The following PLCL2 variants were observed in gnomAD, a reference collection of about 807,000 sequenced individuals.
The protein encoded by PLCL2 is phospholipase C like 2.
PLCL2 carries 4 observed loss-of-function variants against 79.6 expected under a neutral mutation model. That is an observed-to-expected ratio of 0.05 (90% CI 0.02 to 0.11). The LOEUF (loss-of-function observed/expected upper bound fraction) is 0.11. Among genes scored for constraint, PLCL2 ranks in the 10% least tolerant of loss-of-function variants. The pLI, the probability that PLCL2 is intolerant of heterozygous loss-of-function variation, is 1.00. For missense variants in PLCL2, 895 were observed against 1,291.0 expected (o/e 0.69, Z 4.70); for synonymous variants, 484 against 457.7 (o/e 1.06, Z -0.73).
chr3:17,026,717 A>G (rs2064520947), intron 3 of PLCL2, among the ~76,000 whole-genome samples: 1 of 152,112 alleles, frequency 6.6e-6, no homozygotes, highest in African/African-American at 2.4e-5. Context: ...AAATTCACAA[A>G]TTAGCCAGGC....
intron 5 of PLCL2, among the ~76,000 whole-genome samples, chr3:17,070,685 T>C (rs1220966134): frequency 6.6e-6 from 1 of 152,136 alleles, no homozygotes; most frequent in East Asian, 1.9e-4. Flanking sequence ...AATTTAGGTC[T>C]AAGTTGAGCT....
intron 1 of PLCL2, among the ~76,000 whole-genome samples, chr3:16,960,202 C>G (rs2063742621): frequency 6.6e-6 from 1 of 152,174 alleles, no homozygotes; most frequent in South Asian, 2.1e-4. Context: ...AGAGGACAAC[C>G]TTTATTAGTG....
At chr3:16,977,926 G>C (rs1309751547) in intron 1 of PLCL2, among the ~76,000 whole-genome samples, 3 of 152,154 alleles carry the variant, frequency 2.0e-5, no homozygotes, top group African/African-American at 7.2e-5. Flanking sequence ...TGGTGGAAGG[G>C]ACAAACAAAG....
intron 1 of PLCL2, among the ~76,000 whole-genome samples, chr3:16,925,881 G>T (rs1202503671): frequency 1.3e-5 from 2 of 152,092 alleles, no homozygotes; most frequent in East Asian, 1.9e-4. Flanking sequence ...TTCTCTTTGG[G>T]TATATATCTA....
At chr3:16,916,386 T>C (rs1360984718) in intron 1 of PLCL2, among the ~76,000 whole-genome samples, 1 of 152,118 alleles carries the variant, frequency 6.6e-6, no homozygotes, top group African/African-American at 2.4e-5. Context: ...GAGAGTATCC[T>C]CCCTCCAGCA....
At chr3:16,989,470 A>C (rs2064082657) in intron 1 of PLCL2, among the ~76,000 whole-genome samples, 1 of 152,182 alleles carries the variant, frequency 6.6e-6, no homozygotes, top group Non-Finnish European at 1.5e-5. Context: ...GATTTCAAAG[A>C]CTTGAAAAGA....
intron 4 of PLCL2, among the ~76,000 whole-genome samples, chr3:17,052,255 T>TAAG (rs1553648887): frequency 1.6e-5 from 2 of 126,416 alleles, no homozygotes; most frequent in African/African-American, 2.9e-5. Context: ...AAAAAAAAAT[T>TAAG]GGGGGGGGGT....
At chr3:17,025,299 T>C (rs1053419487) in intron 3 of PLCL2, among the ~76,000 whole-genome samples, 3 of 152,228 alleles carry the variant, frequency 2.0e-5, no homozygotes, top group African/African-American at 7.2e-5. Flanking sequence ...CCCATTCTTA[T>C]GTAGTTTAGA....
chr3:17,058,103 G>C (rs903646953), intron 4 of PLCL2, among the ~76,000 whole-genome samples: 1 of 152,178 alleles, frequency 6.6e-6, no homozygotes, highest in Non-Finnish European at 1.5e-5. Flanking sequence ...AGGTCTGTCT[G>C]TGGGGATAGT....
At chr3:16,889,857 C>T (rs879877665) in intron 1 of PLCL2, among the ~76,000 whole-genome samples, 4 of 151,986 alleles carry the variant, frequency 2.6e-5, no homozygotes, top group Admixed American at 2.6e-4. Flanking sequence ...ATAATATCTG[C>T]GTTTGACTTT....
Position 16,964,156 on chromosome 3 carries a change from A to C in PLCL2, c.328-45518A>C, listed in dbSNP as rs533214308. On this transcript the variant is annotated intron_variant, in intron 1 of 5. Transcript: ENST00000615277. ...TCATTTACATTAGGTATATCTCCTA[A>C]TGCTATCCCTCTCCCCTCCCCCCTC... Among the ~76,000 whole-genome samples the C allele has an allele frequency of 4.0e-5, 6 of 151,134 alleles. No homozygotes were observed. The East Asian group carries it at 1.2e-3, about 30-fold the overall frequency.
chr3:17,060,812 T>C (rs1434179483), intron 4 of PLCL2, among the ~76,000 whole-genome samples: 2 of 152,182 alleles, frequency 1.3e-5, no homozygotes, highest in Admixed American at 6.5e-5. Context: ...TCAGGAAATA[T>C]ATCACTACAC....
intron 2 of PLCL2, 38 bp downstream of exon 2, chr3:17,012,198 C>G: frequency 1.3e-6 from 2 of 1,560,866 alleles, no homozygotes; most frequent in South Asian, 1.2e-5. Context: ...CAATGGTTTT[C>G]CTACTTTGTA....
intron 4 of PLCL2, among the ~76,000 whole-genome samples, chr3:17,045,788 T>C (rs561628821): frequency 1.1e-4 from 16 of 152,274 alleles, no homozygotes; most frequent in Admixed American, 8.5e-4. Flanking sequence ...AGTACAGTCA[T>C]GAAACACTTG....
At chr3:16,992,117 T>A (rs2064110460) in intron 1 of PLCL2, among the ~76,000 whole-genome samples, 1 of 152,220 alleles carries the variant, frequency 6.6e-6, no homozygotes, top group Admixed American at 6.5e-5. Context: ...TGATGTCATA[T>A]GTGTGTAATA....
chr3:16,963,275 A>G (rs1312344722), intron 1 of PLCL2, among the ~76,000 whole-genome samples: 1 of 152,150 alleles, frequency 6.6e-6, no homozygotes, highest in Non-Finnish European at 1.5e-5. Flanking sequence ...TGGATCACAC[A>G]TCTACATATA....
At chr3:16,975,584 C>T (rs1233182208) in intron 1 of PLCL2, among the ~76,000 whole-genome samples, 1 of 152,140 alleles carries the variant, frequency 6.6e-6, no homozygotes, top group Non-Finnish European at 1.5e-5. Context: ...GTTAGGGCTT[C>T]TAGGTCATGG....
chr3:16,927,289 C>G (rs902842656), intron 1 of PLCL2, among the ~76,000 whole-genome samples: 3 of 151,694 alleles, frequency 2.0e-5, no homozygotes, highest in Non-Finnish European at 4.4e-5. Flanking sequence ...AATATTTTTC[C>G]AGTGATTGCT....
intron 1 of PLCL2, among the ~76,000 whole-genome samples, chr3:16,993,334 C>G (rs1343238479): frequency 6.6e-6 from 1 of 152,166 alleles, no homozygotes; most frequent in African/African-American, 2.4e-5. Flanking sequence ...TGGTTCCAGC[C>G]ATTCCTGTGG....
Sources: allele counts gnomAD v4.1 joint callset (sites outside exome capture counted in the v4.1 genomes callset), GRCh38; gene constraint gnomAD v4.1.1; transcripts MANE v1.5; gene names NCBI Gene and HGNC (gene_info 2026-07-23, HGNC 2026-07-21).